The following ITGA2B variants were observed in gnomAD, a reference collection of about 807,000 sequenced individuals.
The protein encoded by ITGA2B is integrin subunit alpha 2b.
A neutral mutation model predicts 142.0 loss-of-function variants in ITGA2B; 91 were observed. That is an observed-to-expected ratio of 0.64 (90% confidence interval 0.54 to 0.76). The LOEUF (loss-of-function observed/expected upper bound fraction) is 0.76. Among genes scored for constraint, ITGA2B ranks in the 30% least tolerant of loss-of-function variants. The probability of loss-of-function intolerance (pLI) is 0.00; values close to 1 mark genes in which losing one functional copy is unlikely to be tolerated. For synonymous variants in ITGA2B, 536 were observed against 567.2 expected (o/e 0.94, Z 0.78); for missense variants, 1,231 against 1,350.8 (o/e 0.91, Z 1.39).
chr17:44,379,890 C>T lies in ITGA2B; in HGVS notation c.1753-76G>A, dbSNP rs878962207. 4 of 1,612,592 alleles carry T rather than the reference C, an allele frequency of 2.5e-6. No individual in the cohort carries two copies. In the Admixed American group the frequency reaches 6.7e-5, roughly 27 times the overall value. On this transcript the variant is annotated intron_variant, in intron 17 of 29. Coordinates refer to ENST00000262407, the MANE Select transcript of ITGA2B (RefSeq NM_000419.5). ...TTCTCCTGGCCAGTAGGCACCGTGT[C>T]CTGACCACCCCCGGACTCACAGCAC...
Position 44,374,539 on chromosome 17 carries a change from G to A in ITGA2B, c.2944-69C>T, listed in dbSNP as rs1258282174. 3.9e-6 allele frequency: 6 copies of A among 1,548,330 alleles called. No homozygotes were observed. The South Asian group carries it at 6.7e-5, about 17-fold the overall frequency. On this transcript the variant is annotated intron_variant, in intron 28 of 29. Coordinates refer to ENST00000262407, the MANE Select transcript of ITGA2B (RefSeq NM_000419.5). ...CCTTTCACAAAGACTCAAACCTCAG[G>A]CTGGTGACCTCCAGCCATGCCACCC...
chr17:44,377,835 A>G, intron 20 of ITGA2B, 45 bp from the exon 21 acceptor site: 5 of 1,284,714 alleles, frequency 3.9e-6, no homozygotes, highest in Non-Finnish European at 5.5e-6. Flanking sequence ...AGCATCATAT[A>G]TATATATTTA....
At chr17:44,376,953 G>T in intron 22 of ITGA2B, 56 bp downstream of exon 22, 2 of 1,423,160 alleles carry the variant, frequency 1.4e-6, no homozygotes, top group Non-Finnish European at 1.9e-6. Context: ...GAGGGGCTCT[G>T]CACGGGGGTC....
In ITGA2B at chr17:44,376,932, G is replaced by A. The variant is rs979541444; in HGVS notation, c.2267+77C>T. 10 of 1,194,048 alleles carry A rather than the reference G, an allele frequency of 8.4e-6. No individual in the cohort carries two copies. The Admixed American group carries it at 2.0e-4, about 24-fold the overall frequency. The allele number at this position is 1,194,048 out of a possible 1,614,324, so 74.0% of individuals were successfully genotyped here. A position where few individuals can be genotyped will look rare whatever the true frequency, so the allele number is the denominator to read the frequency against. ...CTGGCCTCGAAAGACCCTTCTGTATGGAAGGGACCTGAGGGGCTCTGCACG... is the reference window on the plus strand; with the variant it reads ...CTGGCCTCGAAAGACCCTTCTGTATAGAAGGGACCTGAGGGGCTCTGCACG... On this transcript the variant is annotated intron_variant, in intron 22 of 29. Coordinates refer to ENST00000262407, the MANE Select transcript of ITGA2B (RefSeq NM_000419.5).
At chr17:44,376,905 G>T in intron 22 of ITGA2B, 104 bp downstream of exon 22, 1 of 882,694 alleles carries the variant, frequency 1.1e-6, no homozygotes, top group Non-Finnish European at 1.8e-6. Flanking sequence ...GAGCCACTGC[G>T]CCTGGCCTCG....
chr17:44,379,144 C>T (rs1468989046), intron 18 of ITGA2B, among the ~76,000 whole-genome samples: 12 of 148,254 alleles, frequency 8.1e-5, no homozygotes, highest in African/African-American at 1.0e-4. Flanking sequence ...TTTTAGTAGA[C>T]GGGGTTTCAC....
chr17:44,385,253 GCCGCCCCCA>G (rs768729342), intron 5 of ITGA2B, 24 bp downstream of exon 5: 1 of 1,613,804 alleles, frequency 6.2e-7, no homozygotes, highest in Admixed American at 1.7e-5. Context: ...CTGTTTGGGA[GCCGCCCCCA>G]CTGCGCTTTT....
intron 7 of ITGA2B, 121 bp downstream of exon 7, chr17:44,384,827 C>A (rs2048629598): frequency 5.3e-6 from 8 of 1,504,560 alleles, no homozygotes; most frequent in Middle Eastern, 2.3e-4. Context: ...AGGGCGGGAG[C>A]GGCTTAGGCG....
chr17:44,388,708 AG>A (rs1360537518), intron 1 of ITGA2B, among the ~76,000 whole-genome samples: 4 of 151,986 alleles, frequency 2.6e-5, no homozygotes, highest in Non-Finnish European at 4.4e-5. Flanking sequence ...TAATAGAGAC[AG>A]GGTTTCACCA....
At chr17:44,374,616 G>A (rs754690647) in intron 28 of ITGA2B, 43 bp downstream of exon 28, 2 of 1,572,144 alleles carry the variant, frequency 1.3e-6, no homozygotes, top group African/African-American at 1.3e-5. Flanking sequence ...GGGGGACAAT[G>A]GGTCCTGCAG....
intron 29 of ITGA2B, among the ~76,000 whole-genome samples, chr17:44,373,571 C>T (rs868424594): frequency 9.8e-4 from 149 of 152,318 alleles, no homozygotes; most frequent in Middle Eastern, 3.4e-3. Context: ...GAGACTCCTC[C>T]AGGTGCAGAG....
intron 23 of ITGA2B, 39 bp from the exon 24 acceptor site, chr17:44,376,223 C>T: frequency 6.2e-7 from 1 of 1,613,690 alleles, no homozygotes; most frequent in East Asian, 2.2e-5. Context: ...GTGTGATGCC[C>T]TGATTGGCCT....
In ITGA2B at chr17:44,374,648, C is replaced by G. The variant is rs762098188; in HGVS notation, c.2943+11G>C. On this transcript the variant is annotated intron_variant, in intron 28 of 29. Coordinates refer to ENST00000262407, the MANE Select transcript of ITGA2B (RefSeq NM_000419.5). ...GCAGGACTGGTCTCTGCTCCATCCC[C>G]CCACACTCACCTGAGCTTCCCCTCG... The G allele has an allele frequency of 6.2e-7, 1 of 1,610,780 alleles. No homozygotes were observed. Among genetic ancestry groups the G allele is most frequent in the Admixed American group, 1.7e-5 (1 of 60,022 alleles).
intron 1 of ITGA2B, 52 bp from the exon 2 acceptor site, chr17:44,386,183 C>T (rs1461725211): frequency 1.3e-6 from 2 of 1,545,764 alleles, no homozygotes; most frequent in East Asian, 2.4e-5. Flanking sequence ...TATCCCAGGC[C>T]CTGGCGCCGG....
chr17:44,372,274 C>A lies in ITGA2B; in HGVS notation c.*90G>T. 1 of 1,383,640 alleles carries A rather than the reference C, an allele frequency of 7.2e-7. No individual in the cohort carries two copies. The highest frequency in any genetic ancestry group is 1.4e-5 in the African/African-American group (1 of 70,298). 85.7% of individuals were successfully genotyped at this position (1,383,640 alleles called of 1,614,324 possible). A position where few individuals can be genotyped will look rare whatever the true frequency, so the allele number is the denominator to read the frequency against. On this transcript the variant is annotated 3_prime_UTR_variant, in exon 30 of 30. Coordinates refer to ENST00000262407, the MANE Select transcript of ITGA2B (RefSeq NM_000419.5). ...ACCAAGAGGACCCAATGGAACAGCT[C>A]CAACCCAAAGCTTGGAGGCAACTTG...
In ITGA2B at chr17:44,378,377, G is replaced by A. The variant is rs1598378359; in HGVS notation, c.2079C>T (p.Ala693=). 1 of 1,612,356 alleles carries A rather than the reference G, an allele frequency of 6.2e-7. No individual in the cohort carries two copies. The highest frequency in any genetic ancestry group is 8.5e-7 in the Non-Finnish European group (1 of 1,179,784). The change falls in exon 20 of 30, where the codon GCC becomes GCT. Residue 693 remains alanine, a synonymous_variant. Transcript: ENST00000262407. ...GGGGCCATACCTCGACATTGCTTAG[G>A]GCCCGCATGTAGTGGGCGCCCTGGG... ...HLPQGAHYMR[A]LSNVEGFERL...
chr17:44,389,171 CCCA>C (rs2143505741), intron 1 of ITGA2B, 112 bp downstream of exon 1: 3 of 1,184,268 alleles, frequency 2.5e-6, no homozygotes, highest in Non-Finnish European at 3.8e-6. Flanking sequence ...CTGAATAGGC[CCCA>C]CAAGTCACCT....
Position 44,385,029 on chromosome 17 carries a change from G to A in ITGA2B, c.718C>T (p.Pro240Ser). The A allele has an allele frequency of 6.2e-7, 1 of 1,614,172 alleles. No homozygotes were observed. Among genetic ancestry groups the A allele is most frequent in the Non-Finnish European group, 8.5e-7 (1 of 1,180,024 alleles). ...PVADIFSSYR[P>S]GILLWHVSSQ... ...GACACGTGCCACAAAAGGATGCCTGGGCGGTAACTCGAGAAAATATCCGCA... is the reference window on the plus strand; with the variant it reads ...GACACGTGCCACAAAAGGATGCCTGAGCGGTAACTCGAGAAAATATCCGCA... Residue 240 changes from proline (P) to serine (S), a missense_variant, in exon 7 of 30, where the codon CCA becomes TCA. Pro to Ser is a moderately conservative substitution (Grantham distance 74). Transcript: ENST00000262407.
intron 12 of ITGA2B, among the ~76,000 whole-genome samples, chr17:44,382,910 A>G (rs2048609240): frequency 6.6e-6 from 1 of 151,890 alleles, no homozygotes; most frequent in Admixed American, 6.6e-5. Flanking sequence ...TTTGCTCCCT[A>G]GGGCTCTATC....
Sources: gnomAD v4.1 joint callset for allele counts (sites outside exome capture counted in the v4.1 genomes callset) on GRCh38, gnomAD v4.1.1 for gene constraint, MANE v1.5 for transcripts, NCBI Gene and HGNC (gene_info 2026-07-23, HGNC 2026-07-21) for gene names.